FARP1: variants seen among roughly 807,000 people sequenced by gnomAD.
FARP1 encodes FERM, ARH/RhoGEF and pleckstrin domain protein 1, also known as FERM, ARHGEF and pleckstrin domain-containing protein 1.
A neutral mutation model predicts 128.8 loss-of-function variants in FARP1; 52 were observed. The ratio of observed to expected loss-of-function variants is 0.40; its 90% CI spans 0.32 to 0.51. The LOEUF (loss-of-function observed/expected upper bound fraction) is 0.51. Ranked by LOEUF, FARP1 falls within the 20% of genes least tolerant of loss-of-function variation. The pLI is 0.45. For synonymous variants in FARP1, 580 were observed against 551.8 expected, an observed-to-expected ratio of 1.05 and a Z score of -0.72; for missense variants, 1,333 against 1,367.9, an observed-to-expected ratio of 0.97 and a Z score of 0.40.
intron 2 of FARP1, among the ~76,000 whole-genome samples, chr13:98,267,417 G>T (rs965716828): frequency 1.3e-5 from 2 of 152,202 alleles, no homozygotes; most frequent in African/African-American, 4.8e-5. Flanking sequence ...TGTCCAGACT[G>T]TTTTGCTCAA....
At chr13:98,264,596 T>A (rs1194271183) in intron 2 of FARP1, among the ~76,000 whole-genome samples, 1 of 152,132 alleles carries the variant, frequency 6.6e-6, no homozygotes, top group Non-Finnish European at 1.5e-5. Flanking sequence ...AGAGAAGCCA[T>A]GAAGTCCTTC....
chr13:98,244,170 A>T (rs955830519), intron 2 of FARP1, among the ~76,000 whole-genome samples: 2 of 152,214 alleles, frequency 1.3e-5, no homozygotes, highest in African/African-American at 4.8e-5. Context: ...AGAATTGGGT[A>T]CAATTAGTGA....
At chr13:98,328,944 C>T (rs561242415) in intron 2 of FARP1, 67 of 152,174 alleles carry the variant, frequency 4.4e-4, no homozygotes, top group African/African-American at 1.2e-3. Flanking sequence ...TTAAAATTGA[C>T]GAAGGGTAAC....
chr13:98,145,348 A>G (rs73564646), intron 1 of FARP1, among the ~76,000 whole-genome samples: 4,611 of 152,248 alleles, frequency 0.03, 214 homozygotes, highest in African/African-American at 0.1. Context: ...GTGGTTTCTA[A>G]TGCCCCCTTT....
At chr13:98,424,231 C>T (rs968859847) in intron 16 of FARP1, among the ~76,000 whole-genome samples, 3 of 152,076 alleles carry the variant, frequency 2.0e-5, no homozygotes. Context: ...TCTGTGCTGA[C>T]CTAATGATGC....
At chr13:98,357,113 T>C (rs1448780106) in intron 3 of FARP1, among the ~76,000 whole-genome samples, 1 of 152,240 alleles carries the variant, frequency 6.6e-6, no homozygotes, top group Admixed American at 6.5e-5. Flanking sequence ...AGGCAGCATA[T>C]ACTTGCTTTT....
chr13:98,344,377 G>A (rs1460643414), intron 3 of FARP1, among the ~76,000 whole-genome samples: 1 of 152,128 alleles, frequency 6.6e-6, no homozygotes, highest in Non-Finnish European at 1.5e-5. Flanking sequence ...CCCCTGTGGA[G>A]GAGAGGGCTT....
intron 3 of FARP1, among the ~76,000 whole-genome samples, chr13:98,349,185 AT>A (rs1227549873): frequency 6.6e-6 from 1 of 152,140 alleles, no homozygotes; most frequent in Non-Finnish European, 1.5e-5. Context: ...AACTTCCTTG[AT>A]TTTGCACTTC....
intron 2 of FARP1, among the ~76,000 whole-genome samples, chr13:98,299,602 G>T (rs1433245789): frequency 6.6e-6 from 1 of 152,174 alleles, no homozygotes; most frequent in Non-Finnish European, 1.5e-5. Flanking sequence ...TACAGTCTGG[G>T]CCCCAAAGAA....
chr13:98,332,727 G>C (rs1308158553), intron 2 of FARP1: 2 of 152,190 alleles, frequency 1.3e-5, no homozygotes, highest in African/African-American at 2.4e-5. Context: ...AGTAGTTTCT[G>C]TAGAAAGTGT....
intron 6 of FARP1, among the ~76,000 whole-genome samples, chr13:98,379,073 G>GTAATCTATATATAATATATATA (rs1594465854): frequency 1.9e-5 from 1 of 52,126 alleles, no homozygotes; most frequent in East Asian, 5.2e-4. Context: ...TATAATATAT[G>GTAATCTATATATAATATATATA]TAATATGTAA....
At chr13:98,196,441 G>A (rs1879574057) in intron 1 of FARP1, among the ~76,000 whole-genome samples, 1 of 152,180 alleles carries the variant, frequency 6.6e-6, no homozygotes, top group South Asian at 2.1e-4. Context: ...AATGGCGGTT[G>A]TGAGGATTAA....
At chr13:98,390,175 T>G (rs766800743) in intron 10 of FARP1, 55 bp downstream of exon 10, 3 of 1,566,916 alleles carry the variant, frequency 1.9e-6, no homozygotes, top group Non-Finnish European at 2.6e-6. Context: ...TCCTCCCGCC[T>G]CTCACAGCCG....
intron 2 of FARP1, among the ~76,000 whole-genome samples, chr13:98,256,924 A>T (rs116141489): frequency 0.046 from 5,991 of 130,534 alleles, 597 homozygotes; most frequent in African/African-American, 0.16. Context: ...AAATAATAAC[A>T]ATAATTTTCA....
chr13:98,270,346 A>G (rs1884333222), intron 2 of FARP1, among the ~76,000 whole-genome samples: 1 of 152,060 alleles, frequency 6.6e-6, no homozygotes, highest in South Asian at 2.1e-4. Flanking sequence ...ATATCCGTCA[A>G]AAGGGTTTTG....
rs561600069 is a variant in FARP1, at chr13:98,275,476, A to G, written c.171+62063A>G. On this transcript the variant is annotated intron_variant, in intron 2 of 26. Transcript: ENST00000319562. The stretch of plus-strand genomic sequence containing the variant: ...AGGTAATGATTTGGTAAATATTTTA[A>G]AATATTTTATGAATTTTTAATAGGT... 5.7e-4 allele frequency among the ~76,000 whole-genome samples: 87 copies of G among 151,822 alleles called. 1 individual carries two copies. In the Middle Eastern group the frequency reaches 0.01, roughly 18 times the overall value.
intron 2 of FARP1, among the ~76,000 whole-genome samples, chr13:98,270,902 C>T (rs1188178990): frequency 6.6e-6 from 1 of 152,178 alleles, no homozygotes; most frequent in African/African-American, 2.4e-5. Flanking sequence ...GCCCCGAGGG[C>T]AGGCCAGGGT....
At chr13:98,368,405 G>C (rs760648578) in intron 5 of FARP1, among the ~76,000 whole-genome samples, 16 of 152,190 alleles carry the variant, frequency 1.1e-4, no homozygotes, top group African/African-American at 3.9e-4. Flanking sequence ...GTTTCTTGAA[G>C]GTTGTGATAT....
chr13:98,274,962 T>C (rs1047637887), intron 2 of FARP1, among the ~76,000 whole-genome samples: 7 of 152,244 alleles, frequency 4.6e-5, no homozygotes, highest in Admixed American at 3.9e-4. Context: ...TATCTGTTTG[T>C]TCCTAAAGTA....
Sources: allele counts gnomAD v4.1 joint callset (sites outside exome capture counted in the v4.1 genomes callset), GRCh38; gene constraint gnomAD v4.1.1; transcripts MANE v1.5; gene names NCBI Gene and HGNC (gene_info 2026-07-23, HGNC 2026-07-21).